Variants in NEMP2 observed in about 807,000 individuals in gnomAD.
NEMP2 encodes the protein UPF0571 transmembrane protein.
NEMP2 carries 53 observed loss-of-function variants against 54.2 expected under a neutral mutation model. The observed-to-expected ratio is 0.98, with a 90% confidence interval of 0.78 to 1.23. NEMP2 has a LOEUF of 1.23. Among genes scored for constraint, NEMP2 ranks in the 50% most tolerant of loss-of-function variants. NEMP2 has a pLI of 0.00. For missense variants in NEMP2, 455 were observed against 511.3 expected (o/e 0.89, Z 1.06); for synonymous variants, 197 against 190.3 (o/e 1.04, Z -0.29).
the NEMP2 span, among the ~76,000 whole-genome samples, chr2:190,567,883 G>A: frequency 7.2e-5 from 11 of 151,780 alleles, no homozygotes; most frequent in South Asian, 2.3e-3. The surrounding 1 kb of genome is among the most constrained non-coding windows in gnomAD (Gnocchi z 4.0). Flanking sequence ...TCTTGACCTT[G>A]CGATTCGCCC....
the NEMP2 span, among the ~76,000 whole-genome samples, chr2:190,467,192 CTCAG>C: frequency 1.3e-5 from 2 of 152,214 alleles, no homozygotes; most frequent in Non-Finnish European, 2.9e-5. This position sits in a 1 kb window ranked among gnomAD's most constrained non-coding sequence, Gnocchi z 5.5. Flanking sequence ...TCCACCCTGG[CTCAG>C]TAAGAGAACA....
At chr2:190,643,846 G>A in the NEMP2 span, among the ~76,000 whole-genome samples, 1 of 152,112 alleles carries the variant, frequency 6.6e-6, no homozygotes, top group Admixed American at 6.6e-5. Context: ...GATGACTGGA[G>A]CCTGGGAGGT....
the NEMP2 span, among the ~76,000 whole-genome samples, chr2:190,462,514 C>G: frequency 2.0e-5 from 3 of 152,138 alleles, no homozygotes; most frequent in Non-Finnish European, 4.4e-5. The surrounding 1 kb of genome is among the most constrained non-coding windows in gnomAD (Gnocchi z 5.7). Context: ...TCATGGAGTG[C>G]CTGAGCAAGG....
the NEMP2 span, among the ~76,000 whole-genome samples, chr2:190,647,452 C>T: frequency 1.3e-5 from 2 of 152,038 alleles, no homozygotes; most frequent in African/African-American, 2.4e-5. Flanking sequence ...TCCCCATCAG[C>T]GAAGTAGGCA....
At chr2:190,498,011 G>T in the NEMP2 span, 1 of 248,420 alleles carries the variant, frequency 4.0e-6, no homozygotes, top group Non-Finnish European at 7.8e-6. The surrounding 1 kb of genome is among the most constrained non-coding windows in gnomAD (Gnocchi z 5.9). Context: ...TTGTATATTT[G>T]TTTTAAATTT....
At chr2:190,428,533 A>C in the NEMP2 span, among the ~76,000 whole-genome samples, 1 of 152,212 alleles carries the variant, frequency 6.6e-6, no homozygotes. Flanking sequence ...GAATTTTTTC[A>C]AATTTTAGAA....
chr2:190,614,270 A>C, the NEMP2 span, among the ~76,000 whole-genome samples: 1 of 152,274 alleles, frequency 6.6e-6, no homozygotes, highest in Non-Finnish European at 1.5e-5. The surrounding 1 kb of genome is among the most constrained non-coding windows in gnomAD (Gnocchi z 5.7). Context: ...ACTTAAAAAA[A>C]CCTTTTTTTC....
chr2:190,445,468 A>AAAAAC, the NEMP2 span, among the ~76,000 whole-genome samples: 26 of 146,414 alleles, frequency 1.8e-4, no homozygotes, highest in African/African-American at 6.0e-4. Flanking sequence ...AAAAAAAAAA[A>AAAAAC]CCCCGACTAT....
At chr2:190,443,306 T>TCTG in the NEMP2 span, among the ~76,000 whole-genome samples, 1 of 152,208 alleles carries the variant, frequency 6.6e-6, no homozygotes, top group Non-Finnish European at 1.5e-5. This position sits in a 1 kb window ranked among gnomAD's most constrained non-coding sequence, Gnocchi z 4.2. Flanking sequence ...GTTACAGAAC[T>TCTG]TTTTGCATCT....
intron 7 of NEMP2, among the ~76,000 whole-genome samples, chr2:190,511,531 T>C (rs1480165589): frequency 6.6e-6 from 1 of 151,120 alleles, no homozygotes; most frequent in Non-Finnish European, 1.5e-5. Context: ...ATTTGTTTTA[T>C]TTATTTTTTA....
chr2:190,587,427 G>A, the NEMP2 span, among the ~76,000 whole-genome samples: 3 of 152,158 alleles, frequency 2.0e-5, no homozygotes, highest in Non-Finnish European at 4.4e-5. This position sits in a 1 kb window ranked among gnomAD's most constrained non-coding sequence, Gnocchi z 5.4. Context: ...TCTGGCTATT[G>A]CTATTGATGT....
downstream of NEMP2, among the ~76,000 whole-genome samples, chr2:190,503,402 A>C (rs1028315861): frequency 6.6e-6 from 1 of 152,244 alleles, no homozygotes; most frequent in Admixed American, 6.5e-5. This position sits in a 1 kb window ranked among gnomAD's most constrained non-coding sequence, Gnocchi z 6.3. Context: ...AACAACTGAC[A>C]TGTGGCTAAT....
At chr2:190,647,364 T>C in the NEMP2 span, among the ~76,000 whole-genome samples, 1 of 152,202 alleles carries the variant, frequency 6.6e-6, no homozygotes, top group Non-Finnish European at 1.5e-5. Flanking sequence ...TCTTTCAATA[T>C]CATCATCATC....
Position 190,520,017 on chromosome 2 carries a change from T to G in NEMP2, c.214-834A>C, listed in dbSNP as rs1223325853. Among the ~76,000 whole-genome samples the G allele has an allele frequency of 1.3e-5, 2 of 152,100 alleles. No homozygotes were observed. The highest frequency in any genetic ancestry group is 2.9e-5 in the Non-Finnish European group (2 of 68,006). Reference sequence around the variant, plus strand: ...AGATATAATTCTATTGCACCCTTAATAGACTAACAGTATAGTAGAAACATA... The same window carrying G: ...AGATATAATTCTATTGCACCCTTAAGAGACTAACAGTATAGTAGAAACATA... On this transcript the variant is annotated intron_variant, in intron 2 of 8. Transcript: ENST00000409150. The surrounding 1 kb of genome is among the most constrained non-coding windows in gnomAD (Gnocchi z 5.4).
At chr2:190,555,603 G>T in the NEMP2 span, among the ~76,000 whole-genome samples, 5 of 151,706 alleles carry the variant, frequency 3.3e-5, no homozygotes, top group Non-Finnish European at 7.4e-5. This position sits in a 1 kb window ranked among gnomAD's most constrained non-coding sequence, Gnocchi z 4.8. Context: ...GAAATAAAGC[G>T]AGAAGACATG....
At chr2:190,487,433 G>A in the NEMP2 span, among the ~76,000 whole-genome samples, 83 of 152,314 alleles carry the variant, frequency 5.4e-4, 1 homozygote, top group African/African-American at 1.9e-3. The surrounding 1 kb of genome is among the most constrained non-coding windows in gnomAD (Gnocchi z 5.5). Flanking sequence ...TCTAAGGTAT[G>A]TAAAAAGCAA....
the NEMP2 span, among the ~76,000 whole-genome samples, chr2:190,545,615 T>G: frequency 3.9e-5 from 6 of 152,336 alleles, no homozygotes; most frequent in Non-Finnish European, 7.3e-5. Context: ...CTTCAGAATA[T>G]CCCCAGCAAT....
At chr2:190,584,945 AAGAAAG>A in the NEMP2 span, among the ~76,000 whole-genome samples, 1 of 129,198 alleles carries the variant, frequency 7.7e-6, no homozygotes, top group East Asian at 2.4e-4. The surrounding 1 kb of genome is among the most constrained non-coding windows in gnomAD (Gnocchi z 4.2). Context: ...GAAAGAAAGA[AAGAAAG>A]AAAGAAAGAA....
the NEMP2 span, among the ~76,000 whole-genome samples, chr2:190,445,497 G>GC: frequency 5.8e-5 from 6 of 102,898 alleles, no homozygotes; most frequent in Non-Finnish European, 1.3e-4. Flanking sequence ...TAAAGAACAC[G>GC]AATTTTTTTT....
Sources: gnomAD v4.1 joint callset for allele counts (sites outside exome capture counted in the v4.1 genomes callset) on GRCh38, gnomAD v4.1.1 for gene constraint, Gnocchi (gnomAD v3.1) non-coding constraint, MANE v1.5 for transcripts, NCBI Gene and HGNC (gene_info 2026-07-23, HGNC 2026-07-21) for gene names.